Variants in ACKR2 observed in about 807,000 individuals in gnomAD.
The protein encoded by ACKR2 is C-C chemokine receptor D6.
For synonymous variants in ACKR2, 207 were observed against 192.2 expected (o/e 1.08, Z -0.64); for missense variants, 457 against 477.3 (o/e 0.96, Z 0.40).
chr3:42,865,396 G>A lies in ACKR2; in HGVS notation c.894G>A (p.Glu298=). 3.7e-6 allele frequency: 6 copies of A among 1,614,192 alleles called. No homozygotes were observed. In the African/African-American group the frequency reaches 5.3e-5, roughly 14 times the overall value. The change falls in exon 3 of 3, where the codon GAG becomes GAA. Residue 298 remains glutamate, a synonymous_variant. Coordinates refer to ENST00000422265, the MANE Select transcript of ACKR2 (RefSeq NM_001296.5). ...TAGACTACGCACTCCAGGTAACAGAGAGCATCGCCTTCCTTCACTGCTGCT... is the reference window on the plus strand; with the variant it reads ...TAGACTACGCACTCCAGGTAACAGAAAGCATCGCCTTCCTTCACTGCTGCT... ...QHLDYALQVT[E]SIAFLHCCFS... is the part of the protein sequence containing the mutation.
chr3:42,845,277 A>G (rs1211336108), intron 2 of ACKR2, among the ~76,000 whole-genome samples: 2 of 152,156 alleles, frequency 1.3e-5, no homozygotes, highest in Admixed American at 6.5e-5. Context: ...CCTGTACTCA[A>G]AGACCAAGAA....
rs1290864475 is a variant in ACKR2, at chr3:42,864,527, C to A, written c.25C>A (p.Pro9Thr). Residue 9 changes from proline (P) to threonine (T), a missense_variant, in exon 3 of 3, where the codon CCA becomes ACA. Pro to Thr is a conservative substitution (Grantham distance 38). Transcript: ENST00000422265. MAATASPQ[P>T]LATEDADSEN... ...CATGGCCGCCACTGCCTCTCCGCAG[C>A]CACTCGCCACTGAGGATGCCGATTC... The A allele has an allele frequency of 1.9e-6, 3 of 1,606,672 alleles. No individual in the cohort carries two copies. The African/African-American group carries it at 4.0e-5, about 21-fold the overall frequency.
chr3:42,817,488 C>T (rs1290593413), intron 1 of ACKR2, among the ~76,000 whole-genome samples: 2 of 152,138 alleles, frequency 1.3e-5, no homozygotes, highest in Non-Finnish European at 2.9e-5. Flanking sequence ...GAACACCCAT[C>T]AAACCCTATG....
chr3:42,846,501 G>C (rs9833785), intron 2 of ACKR2, among the ~76,000 whole-genome samples: 2 of 152,112 alleles, frequency 1.3e-5, no homozygotes, highest in Non-Finnish European at 2.9e-5. Flanking sequence ...GGAACCCGAG[G>C]GTGCATCCAG....
At chr3:42,817,112 T>C (rs906953385) in intron 1 of ACKR2, among the ~76,000 whole-genome samples, 6 of 152,122 alleles carry the variant, frequency 3.9e-5, no homozygotes, top group African/African-American at 1.4e-4. Flanking sequence ...TAGGATAGCA[T>C]TGTGTGATCT....
intron 2 of ACKR2, chr3:42,835,887 C>T (rs1700983880): frequency 6.6e-6 from 1 of 152,302 alleles, no homozygotes; most frequent in African/African-American, 2.4e-5. Flanking sequence ...TCCCTCCTTC[C>T]TCCTTCTGCC....
intron 2 of ACKR2, chr3:42,856,167 A>G (rs1184428086): frequency 5.0e-5 from 25 of 497,420 alleles, no homozygotes; most frequent in Non-Finnish European, 7.1e-6. Context: ...GACCAGCAGA[A>G]AAAGGCACTG....
At chr3:42,821,277 G>A (rs1700807343) in intron 2 of ACKR2, among the ~76,000 whole-genome samples, 1 of 152,212 alleles carries the variant, frequency 6.6e-6, no homozygotes, top group African/African-American at 2.4e-5. Flanking sequence ...ACAGGCTATA[G>A]TGAGTGAGTT....
intron 2 of ACKR2, among the ~76,000 whole-genome samples, chr3:42,853,466 T>C (rs1701185176): frequency 6.6e-6 from 1 of 152,334 alleles, no homozygotes; most frequent in Admixed American, 6.5e-5. Context: ...GGTCTCGCTA[T>C]GTTGCCCATG....
chr3:42,860,250 A>T (rs1047149551), intron 2 of ACKR2, among the ~76,000 whole-genome samples: 4 of 151,612 alleles, frequency 2.6e-5, no homozygotes, highest in African/African-American at 9.7e-5. Context: ...GATCAAAAAG[A>T]CAAAAAAGGG....
intron 2 of ACKR2, among the ~76,000 whole-genome samples, chr3:42,820,591 TC>T (rs1700799362): frequency 8.7e-6 from 1 of 114,824 alleles, no homozygotes. Flanking sequence ...AGACTCTGTC[TC>T]AAAAAAAAAA....
At position 42,856,497 on chromosome 3, in the gene ACKR2, T is replaced by A. The variant is rs906510586; in HGVS notation, c.-37-7969T>A. The A allele has an allele frequency of 8.7e-6, 6 of 691,704 alleles. No individual in the cohort carries two copies. The African/African-American group carries it at 8.8e-5, about 10-fold the overall frequency. 42.8% of individuals were successfully genotyped at this position (691,704 alleles called of 1,614,324 possible). A position where few individuals can be genotyped will look rare whatever the true frequency, so the allele number is the denominator to read the frequency against. On this transcript the variant is annotated intron_variant, in intron 2 of 2. Transcript: ENST00000422265. ...CTGAAAAAAGGGGATAAAACTTTTA[T>A]CAGAAAGGGCTAAGGAAAATGTTTG...
At chr3:42,857,052 G>T (rs1212780147) in intron 2 of ACKR2, among the ~76,000 whole-genome samples, 1 of 151,976 alleles carries the variant, frequency 6.6e-6, no homozygotes, top group African/African-American at 2.4e-5. Context: ...ACAGTGACTT[G>T]TCCCATCTCC....
At chr3:42,836,724 G>A (rs1700990570) in intron 2 of ACKR2, among the ~76,000 whole-genome samples, 1 of 152,166 alleles carries the variant, frequency 6.6e-6, no homozygotes, top group Non-Finnish European at 1.5e-5. Context: ...AGAAAGGAAA[G>A]GGAGTTACTG....
At chr3:42,843,492 G>T (rs989275558) in intron 2 of ACKR2, among the ~76,000 whole-genome samples, 3 of 152,032 alleles carry the variant, frequency 2.0e-5, no homozygotes, top group Non-Finnish European at 4.4e-5. Context: ...ACAATAGACT[G>T]CCTGGTAAAA....
intron 2 of ACKR2, among the ~76,000 whole-genome samples, chr3:42,833,218 A>G (rs1206558146): frequency 1.3e-5 from 2 of 152,176 alleles, no homozygotes; most frequent in Non-Finnish European, 2.9e-5. Flanking sequence ...CCAGCCTTAA[A>G]TTTTCTAATA....
rs1438466456 is a variant in ACKR2, at chr3:42,866,173, T to TTTTC, written c.*520_*523dup. On this transcript the variant is annotated 3_prime_UTR_variant, in exon 3 of 3. Coordinates refer to ENST00000422265, the MANE Select transcript of ACKR2 (RefSeq NM_001296.5). ...TGTATTTTTTTTCTTTCTTTCTTTC[T>TTTTC]TTTCTTTTTTTTTTTTTTTTGAGAC... The TTTTC allele has an allele frequency of 8.4e-6, 1 of 119,006 alleles. No homozygotes were observed. Among genetic ancestry groups the TTTTC allele is most frequent in the African/African-American group, 3.3e-5 (1 of 30,352 alleles). The allele number at this position is 119,006 out of a possible 1,614,324, so 7.4% of individuals were successfully genotyped here. A position where few individuals can be genotyped will look rare whatever the true frequency, so the allele number is the denominator to read the frequency against.
At chr3:42,830,771 G>T (rs1003025840) in intron 2 of ACKR2, among the ~76,000 whole-genome samples, 19 of 151,736 alleles carry the variant, frequency 1.3e-4, no homozygotes, top group Non-Finnish European at 1.5e-5. Flanking sequence ...TGGTTGGACT[G>T]TGTGGCCTCT....
At chr3:42,843,484 A>G (rs1449164735) in intron 2 of ACKR2, among the ~76,000 whole-genome samples, 1 of 152,142 alleles carries the variant, frequency 6.6e-6, no homozygotes, top group Non-Finnish European at 1.5e-5. Context: ...GTATGTGTAC[A>G]ATAGACTGCC....
Sources: gnomAD v4.1 joint callset for allele counts (sites outside exome capture counted in the v4.1 genomes callset) on GRCh38, gnomAD v4.1.1 for gene constraint, MANE v1.5 for transcripts, NCBI Gene and HGNC (gene_info 2026-07-23, HGNC 2026-07-21) for gene names.